Variants in SEL1L2 observed in about 807,000 individuals in gnomAD.
The protein encoded by SEL1L2 is protein sel-1 homolog 2.
In SEL1L2, 89 loss-of-function variants were observed where a neutral mutation model predicts 98.8. The observed-to-expected ratio is 0.90, with a 90% CI of 0.76 to 1.07. The LOEUF (loss-of-function observed/expected upper bound fraction) is 1.07. Ranked by LOEUF, SEL1L2 falls within the 50% of genes least tolerant of loss-of-function variation. The pLI, the probability that SEL1L2 is intolerant of heterozygous loss-of-function variation, is 0.00. For missense variants in SEL1L2, 788 were observed against 812.0 expected (o/e 0.97, Z 0.36); for synonymous variants, 262 against 278.5 (o/e 0.94, Z 0.59).
chr20:13,850,619 T>C (rs1174039294), intron 18 of SEL1L2, among the ~76,000 whole-genome samples: 1 of 152,102 alleles, frequency 6.6e-6, no homozygotes, highest in East Asian at 1.9e-4. Flanking sequence ...GGACAGCCAA[T>C]AAGGAAACAA....
chr20:13,869,094 A>T (rs1420636040), intron 14 of SEL1L2, among the ~76,000 whole-genome samples: 1 of 151,376 alleles, frequency 6.6e-6, no homozygotes, highest in Non-Finnish European at 1.5e-5. Flanking sequence ...ACGGAGGATC[A>T]CTAGTTATCT....
At chr20:13,894,281 C>T (rs1160061105) in intron 5 of SEL1L2, among the ~76,000 whole-genome samples, 1 of 152,114 alleles carries the variant, frequency 6.6e-6, no homozygotes, top group Non-Finnish European at 1.5e-5. Context: ...AAAGTCTGGC[C>T]AGGTGCAGTG....
chr20:13,939,759 C>G (rs1185232023), intron 2 of SEL1L2, among the ~76,000 whole-genome samples: 1 of 150,478 alleles, frequency 6.6e-6, no homozygotes, highest in Non-Finnish European at 1.5e-5. Context: ...CTCCACCTCC[C>G]AAGTTCAAGC....
At position 13,983,771 on chromosome 20, in the gene SEL1L2, T is replaced by C. The variant is rs193024942; in HGVS notation, c.58+6706A>G. On this transcript the variant is annotated intron_variant, in intron 1 of 19. Coordinates refer to ENST00000284951, the MANE Select transcript of SEL1L2 (RefSeq NM_025229.2). The stretch of plus-strand genomic sequence containing the variant: ...CCCGACCTCACGTGATCTGCCCGCC[T>C]GGACCTCCCAAAGTGCTGGGATTGT... Among the ~76,000 whole-genome samples, 426 of 152,250 alleles carry C rather than the reference T, an allele frequency of 2.8e-3. 3 individuals carry two copies. Among genetic ancestry groups the C allele is most frequent in the Admixed American group, 8.5e-3 (130 of 15,302 alleles).
chr20:13,991,314 T>G (rs138030695), upstream of SEL1L2, among the ~76,000 whole-genome samples: 1 of 152,372 alleles, frequency 6.6e-6, no homozygotes, highest in East Asian at 1.9e-4. Flanking sequence ...TTTATTGTTT[T>G]GAATTTACAG....
intron 8 of SEL1L2, 40 bp downstream of exon 8, chr20:13,887,729 G>T: frequency 1.6e-6 from 2 of 1,275,466 alleles, no homozygotes; most frequent in South Asian, 1.2e-5. Flanking sequence ...TAATTCCTTG[G>T]CAACTGTTTA....
chr20:13,944,383 G>T (rs1254901986), intron 2 of SEL1L2, among the ~76,000 whole-genome samples: 1 of 152,192 alleles, frequency 6.6e-6, no homozygotes, highest in Admixed American at 6.5e-5. Context: ...GAGTCCAGAT[G>T]GGTGAGCTGG....
chr20:13,870,136 C>T lies in SEL1L2; in HGVS notation c.1167+5G>A. ...ATAAAAAGATAATAAAATAATTTAA[C>T]TTACCAGGGGAACTCCTTTTCCATG... On this transcript the variant is annotated splice_donor_5th_base_variant and intron_variant, in intron 13 of 19. Transcript: ENST00000284951. 6.3e-7 allele frequency: 1 copy of T among 1,584,578 alleles called. No homozygotes were observed. Among genetic ancestry groups the T allele is most frequent in the Non-Finnish European group, 8.6e-7 (1 of 1,156,636 alleles).
At chr20:13,870,401 G>A (rs243912) in intron 12 of SEL1L2, among the ~76,000 whole-genome samples, 198 bp from the exon 13 acceptor site, 150,542 of 152,338 alleles carry the variant, frequency 0.99, 74,385 homozygotes, top group East Asian at 1. Flanking sequence ...GAGGGAAACA[G>A]AAGTCAAACC....
Position 13,865,377 on chromosome 20 carries a change from T to C in SEL1L2, c.1542A>G (p.Gln514=), listed in dbSNP as rs781064653. The change falls in exon 16 of 20, where the codon CAA becomes CAG. Residue 514 remains glutamine, a synonymous_variant. Transcript: ENST00000284951. The part of the protein sequence containing the change: ...LLAEMGYEVA[Q]SNSAFILESK... The stretch of plus-strand genomic sequence containing the variant: ...ATTCCAAAATGAATGCTGAATTGCT[T>C]TGAGCTACTTCATACCCCATTTCTG... The C allele has an allele frequency of 9.0e-5, 145 of 1,614,006 alleles. 1 individual carries two copies. Among genetic ancestry groups the C allele is most frequent in the Non-Finnish European group, 1.2e-4 (140 of 1,179,998 alleles).
At chr20:13,916,257 G>T (rs1187256753) in intron 4 of SEL1L2, among the ~76,000 whole-genome samples, 1 of 152,184 alleles carries the variant, frequency 6.6e-6, no homozygotes, top group Non-Finnish European at 1.5e-5. Context: ...TGCCAACCCA[G>T]GAAGTAGCAA....
At chr20:13,963,938 C>G (rs2050902989) in intron 1 of SEL1L2, among the ~76,000 whole-genome samples, 1 of 152,100 alleles carries the variant, frequency 6.6e-6, no homozygotes, top group South Asian at 2.1e-4. Context: ...AAGGCACCAT[C>G]TCAGCTCTCT....
chr20:13,956,142 C>A lies in SEL1L2; in HGVS notation c.59-11G>T. On this transcript the variant is annotated splice_polypyrimidine_tract_variant and intron_variant, in intron 1 of 19. Transcript: ENST00000284951. ...CCTCTGCTTTGATAGCTGCAATACACAAAATTTTTTTATAAAATTTAAAAG... is the reference window on the plus strand; with the variant it reads ...CCTCTGCTTTGATAGCTGCAATACAAAAAATTTTTTTATAAAATTTAAAAG... 1 of 1,429,748 alleles carries A rather than the reference C, an allele frequency of 7.0e-7. No homozygotes were observed. Among genetic ancestry groups the A allele is most frequent in the Non-Finnish European group, 9.5e-7 (1 of 1,051,876 alleles). 88.6% of individuals were successfully genotyped at this position (1,429,748 alleles called of 1,614,324 possible).
intron 1 of SEL1L2, among the ~76,000 whole-genome samples, chr20:13,990,225 C>T (rs568981523): frequency 8.8e-4 from 134 of 152,248 alleles, no homozygotes; most frequent in Middle Eastern, 3.4e-3. Flanking sequence ...GTAGTGGTTT[C>T]CTCATAGATT....
chr20:13,857,750 C>T (rs1004991869), intron 18 of SEL1L2, among the ~76,000 whole-genome samples: 2 of 152,198 alleles, frequency 1.3e-5, no homozygotes, highest in African/African-American at 4.8e-5. Context: ...TAGAGAAAGG[C>T]TTTAATCTTA....
At chr20:13,956,794 C>T (rs1038446479) in intron 1 of SEL1L2, among the ~76,000 whole-genome samples, 8 of 151,884 alleles carry the variant, frequency 5.3e-5, no homozygotes, top group South Asian at 2.1e-4. Context: ...AGAAACAAGT[C>T]GGAAAACGTG....
intron 3 of SEL1L2, among the ~76,000 whole-genome samples, chr20:13,925,377 TCAAATC>T (rs1401012230): frequency 6.6e-6 from 1 of 152,224 alleles, no homozygotes; most frequent in Non-Finnish European, 1.5e-5. Context: ...TGGCATAAAT[TCAAATC>T]CAAATCTGTA....
At chr20:13,878,521 T>C (rs1600572182) in intron 10 of SEL1L2, among the ~76,000 whole-genome samples, 1 of 152,318 alleles carries the variant, frequency 6.6e-6, no homozygotes, top group Non-Finnish European at 1.5e-5. Flanking sequence ...TTTCTGCTCT[T>C]TAAAAAGTCT....
chr20:13,946,000 A>G (rs1377006070), intron 2 of SEL1L2, among the ~76,000 whole-genome samples: 1 of 152,208 alleles, frequency 6.6e-6, no homozygotes, highest in African/African-American at 2.4e-5. Context: ...ATCATACTCA[A>G]TGGTTAAAGT....
Sources: gnomAD v4.1 joint callset for allele counts (sites outside exome capture counted in the v4.1 genomes callset) on GRCh38, gnomAD v4.1.1 for gene constraint, MANE v1.5 for transcripts, NCBI Gene and HGNC (gene_info 2026-07-23, HGNC 2026-07-21) for gene names.